SSR1: variants seen among roughly 807,000 people sequenced by gnomAD.
SSR1 encodes translocon-associated protein subunit alpha.
SSR1 carries 13 observed loss-of-function variants against 36.1 expected under a neutral mutation model. That is an observed-to-expected ratio of 0.36 (90% CI 0.23 to 0.57). SSR1 has a LOEUF of 0.57. Among genes scored for constraint, SSR1 ranks in the 20% least tolerant of loss-of-function variants. The pLI, the probability that SSR1 is intolerant of heterozygous loss-of-function variation, is 0.81. For missense variants in SSR1, 291 were observed against 338.5 expected (o/e 0.86, Z 1.10); for synonymous variants, 113 against 118.9 (o/e 0.95, Z 0.32).
In SSR1 at chr6:7,287,581, G is replaced by A. The variant is rs1445412112; in HGVS notation, c.*2283C>T. 1 of 152,178 alleles carries A rather than the reference G, an allele frequency of 6.6e-6. No individual in the cohort carries two copies. Among genetic ancestry groups the A allele is most frequent in the African/African-American group, 2.4e-5 (1 of 41,414 alleles). The allele number at this position is 152,178 out of a possible 1,614,324, so 9.4% of individuals were successfully genotyped here. A position where few individuals can be genotyped will look rare whatever the true frequency, so the allele number is the denominator to read the frequency against. On this transcript the variant is annotated 3_prime_UTR_variant, in exon 8 of 8. Coordinates refer to ENST00000244763, the MANE Select transcript of SSR1 (RefSeq NM_003144.5). The stretch of plus-strand genomic sequence containing the variant: ...GCTATACAACCAAAGCGAGATCCAT[G>A]CTTTATGAACACATTATTCTCACAC...
chr6:7,284,698 C>A lies in SSR1; in HGVS notation c.*5166G>T, dbSNP rs1356419195. Reference sequence around the variant, plus strand: ...GGATCTGGGGTTCAAACCCAGGCAGCCTGACATGAGCGTTTCCTTTTTTTT... The same window carrying A: ...GGATCTGGGGTTCAAACCCAGGCAGACTGACATGAGCGTTTCCTTTTTTTT... On this transcript the variant is annotated 3_prime_UTR_variant, in exon 8 of 8. Coordinates refer to ENST00000244763, the MANE Select transcript of SSR1 (RefSeq NM_003144.5). 1 of 151,466 alleles carries A rather than the reference C, an allele frequency of 6.6e-6. No individual in the cohort carries two copies. The highest frequency in any genetic ancestry group is 2.4e-5 in the African/African-American group (1 of 41,116). The allele number at this position is 151,466 out of a possible 1,614,324, so 9.4% of individuals were successfully genotyped here. A position where few individuals can be genotyped will look rare whatever the true frequency, so the allele number is the denominator to read the frequency against.
chr6:7,306,966 A>C (rs961508894), intron 2 of SSR1, among the ~76,000 whole-genome samples: 16 of 150,800 alleles, frequency 1.1e-4, no homozygotes, highest in African/African-American at 3.4e-4. Context: ...AAAAAAAAAA[A>C]GGTTTGTCCT....
intron 7 of SSR1, 83 bp downstream of exon 7, chr6:7,295,309 A>C (rs905015924): frequency 2.4e-6 from 3 of 1,251,674 alleles, no homozygotes; most frequent in Non-Finnish European, 3.3e-6. Flanking sequence ...GTACTGAAAA[A>C]GTTTTTTTTT....
At chr6:7,303,757 A>G in intron 2 of SSR1, 120 bp from the exon 3 acceptor site, 1 of 661,624 alleles carries the variant, frequency 1.5e-6, no homozygotes, top group Non-Finnish European at 2.5e-6. Context: ...TGGCCGAGGC[A>G]GGCAGATCAC....
chr6:7,306,835 G>C (rs1758072800), intron 2 of SSR1, among the ~76,000 whole-genome samples: 1 of 146,800 alleles, frequency 6.8e-6, no homozygotes, highest in Non-Finnish European at 1.5e-5. Context: ...AGACTGGCGT[G>C]AACCCGGGAG....
chr6:7,284,559 G>A lies in SSR1; in HGVS notation c.*5305C>T, dbSNP rs1006203420. Reference sequence around the variant, plus strand: ...CGAAAATGAGAGCAGTCACTTAAGCGGCTTACTGAGACCCAGGCAATGTTC... The same window carrying A: ...CGAAAATGAGAGCAGTCACTTAAGCAGCTTACTGAGACCCAGGCAATGTTC... On this transcript the variant is annotated 3_prime_UTR_variant, in exon 8 of 8. Coordinates refer to ENST00000244763, the MANE Select transcript of SSR1 (RefSeq NM_003144.5). 2 of 152,102 alleles carry A rather than the reference G, an allele frequency of 1.3e-5. No individual in the cohort carries two copies. Among genetic ancestry groups the A allele is most frequent in the Non-Finnish European group, 2.9e-5 (2 of 68,042 alleles). The allele number at this position is 152,102 out of a possible 1,614,324, so 9.4% of individuals were successfully genotyped here.
At chr6:7,302,037 C>A (rs905204681) in intron 3 of SSR1, among the ~76,000 whole-genome samples, 1 of 152,230 alleles carries the variant, frequency 6.6e-6, no homozygotes, top group South Asian at 2.1e-4. Flanking sequence ...TCCCAATCCA[C>A]GTTAAGCAAT....
chr6:7,309,123 C>A (rs1331001445), intron 2 of SSR1, among the ~76,000 whole-genome samples: 1 of 152,182 alleles, frequency 6.6e-6, no homozygotes, highest in Non-Finnish European at 1.5e-5. Context: ...ATCACATTAA[C>A]AAACCTCTAA....
In SSR1 at chr6:7,289,782, G is replaced by T; in HGVS notation, c.*82C>A. 7.8e-7 allele frequency: 1 copy of T among 1,280,262 alleles called. No individual in the cohort carries two copies. The allele number at this position is 1,280,262 out of a possible 1,614,324, so 79.3% of individuals were successfully genotyped here. On this transcript the variant is annotated 3_prime_UTR_variant, in exon 8 of 8. Transcript: ENST00000244763. ...TAGGAGTTGCCTTCTATGGTGACAT[G>T]GCTTCTCTGCACTAATTCCCATCAG...
At chr6:7,309,629 C>T (rs1457211080) in intron 2 of SSR1, among the ~76,000 whole-genome samples, 2 of 152,148 alleles carry the variant, frequency 1.3e-5, no homozygotes, top group Admixed American at 1.3e-4. Context: ...ATGCTGTTCT[C>T]GTGAAAGTGA....
intron 7 of SSR1, among the ~76,000 whole-genome samples, chr6:7,293,553 G>A (rs1177138047): frequency 6.6e-6 from 1 of 151,406 alleles, no homozygotes; most frequent in Non-Finnish European, 1.5e-5. Context: ...TCCCACCTCA[G>A]CCTAGGCGCA....
chr6:7,312,377 G>A (rs549552083), intron 1 of SSR1, among the ~76,000 whole-genome samples: 1 of 152,274 alleles, frequency 6.6e-6, no homozygotes, highest in African/African-American at 2.4e-5. Context: ...AGGCAGAAGG[G>A]AGACATCCCA....
At chr6:7,297,656 T>A (rs1179180508) in intron 6 of SSR1, among the ~76,000 whole-genome samples, 1 of 151,886 alleles carries the variant, frequency 6.6e-6, no homozygotes, top group East Asian at 1.9e-4. Context: ...GCCCAGGAGG[T>A]TGAGGCCACA....
intron 2 of SSR1, among the ~76,000 whole-genome samples, chr6:7,305,891 C>T (rs140298094): frequency 4.3e-4 from 65 of 152,304 alleles, no homozygotes; most frequent in African/African-American, 1.4e-3. Context: ...CTAAGTAACT[C>T]ATTTATCTTA....
intron 5 of SSR1, among the ~76,000 whole-genome samples, chr6:7,298,387 T>C (rs1757849728): frequency 6.6e-6 from 1 of 152,224 alleles, no homozygotes; most frequent in Non-Finnish European, 1.5e-5. Flanking sequence ...AAAGAACACT[T>C]ACATTTTTCA....
intron 2 of SSR1, among the ~76,000 whole-genome samples, chr6:7,306,026 C>T (rs1483852184): frequency 6.6e-6 from 1 of 152,212 alleles, no homozygotes; most frequent in East Asian, 1.9e-4. Flanking sequence ...TGCTTGCCTA[C>T]AGGGAGATGA....
rs550847026 is a variant in SSR1, at chr6:7,310,565, T to A, written c.80-536A>T. ...AAAGATAAGAAACTTCTAAATGTAA[T>A]CCCTGTCATTAACCATACAAAGCAA... On this transcript the variant is annotated intron_variant, in intron 1 of 7. Coordinates refer to ENST00000244763, the MANE Select transcript of SSR1 (RefSeq NM_003144.5). Among the ~76,000 whole-genome samples, 4 of 152,246 alleles carry A rather than the reference T, an allele frequency of 2.6e-5. No homozygotes were observed. In the East Asian group the frequency reaches 7.7e-4, roughly 29 times the overall value.
intron 2 of SSR1, 92 bp from the exon 3 acceptor site, chr6:7,303,729 A>G (rs1169912048): frequency 2.1e-6 from 2 of 944,368 alleles, no homozygotes; most frequent in African/African-American, 1.7e-5. Context: ...GGTGGCTCAC[A>G]CTTATAATCT....
chr6:7,310,638 C>T (rs545189003), intron 1 of SSR1, among the ~76,000 whole-genome samples: 8 of 152,312 alleles, frequency 5.3e-5, no homozygotes, highest in African/African-American at 1.4e-4. Flanking sequence ...TTGGCCGGCG[C>T]GGTGGCTCAC....
Sources: allele counts gnomAD v4.1 joint callset (sites outside exome capture counted in the v4.1 genomes callset), GRCh38; gene constraint gnomAD v4.1.1; transcripts MANE v1.5; gene names NCBI Gene and HGNC (gene_info 2026-07-23, HGNC 2026-07-21).